ZPR1: variants seen among roughly 807,000 people sequenced by gnomAD.
ZPR1 encodes the protein ZPR1 zinc finger.
In ZPR1, 37 loss-of-function variants were observed where a neutral mutation model predicts 59.6. That is an observed-to-expected ratio of 0.62 (90% CI 0.48 to 0.82). ZPR1 has a LOEUF of 0.82. ZPR1 is among the 40% of genes least tolerant of loss of function. ZPR1 has a pLI of 0.00. For missense variants in ZPR1, 527 were observed against 579.9 expected (o/e 0.91, Z 0.94); for synonymous variants, 191 against 215.2 (o/e 0.89, Z 0.99).
At position 116,787,090 on chromosome 11, in the gene ZPR1, G is replaced by C. The variant is rs368420890; in HGVS notation, c.334-31C>G. On this transcript the variant is annotated intron_variant, in intron 2 of 13. Transcript: ENST00000227322. ...AAGAAAAGAATACGTTCAGTACAAA[G>C]AGACTGCAGAACAGCTTCTCCTCAA... 1.1e-5 allele frequency: 17 copies of C among 1,574,984 alleles called. No homozygotes were observed. In the African/African-American group the frequency reaches 1.3e-4, roughly 12 times the overall value.
intron 10 of ZPR1, among the ~76,000 whole-genome samples, 159 bp downstream of exon 10, chr11:116,783,371 A>G (rs961956011): frequency 6.6e-6 from 1 of 152,178 alleles, no homozygotes; most frequent in African/African-American, 2.4e-5. Flanking sequence ...TGCAATTCCA[A>G]TCTTAGATTA....
At position 116,788,010 on chromosome 11, in the gene ZPR1, G is replaced by A. The variant is rs1940925034; in HGVS notation, c.-20C>T. ...CGCCATGGCCACCACGCGCAATTCAGACCTCGGCTTCCTACTTCCGCCGCT... is the reference window on the plus strand; with the variant it reads ...CGCCATGGCCACCACGCGCAATTCAAACCTCGGCTTCCTACTTCCGCCGCT... On this transcript the variant is annotated 5_prime_UTR_variant, in exon 1 of 14. Transcript: ENST00000227322. The A allele has an allele frequency of 3.5e-6, 5 of 1,416,322 alleles. No homozygotes were observed. The highest frequency in any genetic ancestry group is 4.6e-6 in the Non-Finnish European group (5 of 1,094,202). 87.7% of individuals were successfully genotyped at this position (1,416,322 alleles called of 1,614,324 possible). A position where few individuals can be genotyped will look rare whatever the true frequency, so the allele number is the denominator to read the frequency against.
chr11:116,782,951 G>T lies in ZPR1; in HGVS notation c.1060C>A (p.Leu354Met). The T allele has an allele frequency of 6.2e-7, 1 of 1,614,192 alleles. No individual in the cohort carries two copies. Among genetic ancestry groups the T allele is most frequent in the Non-Finnish European group, 8.5e-7 (1 of 1,180,024 alleles). Residue 354 changes from leucine to methionine, a missense_variant, in exon 11 of 14, where the codon CTG (leucine) becomes ATG (methionine). Coordinates refer to ENST00000227322, the MANE Select transcript of ZPR1 (RefSeq NM_003904.5). ...MAVLGGKFTT[L>M]EGLLKDIREL... The stretch of plus-strand genomic sequence containing the variant: ...CGGATGTCTTTCAGCAGCCCTTCCA[G>T]TGTGGTGAACTTGCCCCCGAGGACT...
Position 116,785,976 on chromosome 11 carries a change from A to G in ZPR1, c.496-94T>C, listed in dbSNP as rs899808322. On this transcript the variant is annotated intron_variant, in intron 4 of 13. Coordinates refer to ENST00000227322, the MANE Select transcript of ZPR1 (RefSeq NM_003904.5). ...ATGTTACTTCCATTAGGAAGTCACC[A>G]CCTATCTCAGTGTGAGTGGAAACAG... 68 of 1,078,058 alleles carry G rather than the reference A, an allele frequency of 6.3e-5. No individual in the cohort carries two copies. In the African/African-American group the frequency reaches 9.1e-4, roughly 14 times the overall value. The allele number at this position is 1,078,058 out of a possible 1,614,324, so 66.8% of individuals were successfully genotyped here.
rs1940702833 is a variant in ZPR1, at chr11:116,774,986, C to G, written c.*3939G>C. The G allele has an allele frequency of 6.6e-6, 1 of 152,382 alleles. No individual in the cohort carries two copies. The highest frequency in any genetic ancestry group is 6.5e-5 in the Admixed American group (1 of 15,288). 9.4% of individuals were successfully genotyped at this position (152,382 alleles called of 1,614,324 possible). A position where few individuals can be genotyped will look rare whatever the true frequency, so the allele number is the denominator to read the frequency against. On this transcript the variant is annotated 3_prime_UTR_variant, in exon 14 of 14. Coordinates refer to ENST00000227322, the MANE Select transcript of ZPR1 (RefSeq NM_003904.5). ...CCTGACAAGGCCCAAGTGTCTCCACCCTGTGCTGCAGGGCAGTTAAGCAGG... is the reference window on the plus strand; with the variant it reads ...CCTGACAAGGCCCAAGTGTCTCCACGCTGTGCTGCAGGGCAGTTAAGCAGG...
intron 12 of ZPR1, among the ~76,000 whole-genome samples, chr11:116,780,072 GAAAT>G (rs1940784090): frequency 6.6e-6 from 1 of 150,646 alleles, no homozygotes; most frequent in Non-Finnish European, 1.5e-5. Flanking sequence ...AAAAAGAAAT[GAAAT>G]AAATGAAAGT....
Position 116,778,925 on chromosome 11 carries a change from C to T in ZPR1, c.1380G>A (p.Ter460=). ...AGGCTGGCCCTTGAGCCACCCACTG[C>T]TACCGTTGCGGAGCCAGGCCTGCCT... ...GYEAGLAPQR[*] is the part of the protein sequence containing the mutation. The change falls in exon 14 of 14, where the codon TAG becomes TAA. Residue 460 remains the stop codon, a stop_retained_variant. Coordinates refer to ENST00000227322, the MANE Select transcript of ZPR1 (RefSeq NM_003904.5). The T allele has an allele frequency of 2.5e-6, 4 of 1,613,608 alleles. No individual in the cohort carries two copies. Among genetic ancestry groups the T allele is most frequent in the Non-Finnish European group, 3.4e-6 (4 of 1,179,980 alleles).
Position 116,784,921 on chromosome 11 carries a change from C to T in ZPR1, c.754G>A (p.Val252Met). 6.2e-7 allele frequency: 1 copy of T among 1,614,148 alleles called. No individual in the cohort carries two copies. Among genetic ancestry groups the T allele is most frequent in the African/African-American group, 1.3e-5 (1 of 75,004 alleles). ...GGGCAGTTTGTGCTGAACTGGAGCA[C>T]CTGGAACACAACATGAGGACAAAGG... The part of the protein sequence containing the change: ...KPEEEDLRNE[V>M]LQFSTNCPEC... The change falls in exon 8 of 14, where the codon GTG becomes ATG. Residue 252 changes from valine to methionine, a missense_variant and splice_region_variant. Val to Met is a conservative substitution (Grantham distance 21). Coordinates refer to ENST00000227322, the MANE Select transcript of ZPR1 (RefSeq NM_003904.5).
chr11:116,783,016 C>T lies in ZPR1; in HGVS notation c.995G>A (p.Ser332Asn). The T allele has an allele frequency of 6.2e-7, 1 of 1,614,004 alleles. No individual in the cohort carries two copies. The highest frequency in any genetic ancestry group is 1.7e-5 in the Admixed American group (1 of 60,018). The change falls in exon 11 of 14, where the codon AGT becomes AAT. Residue 332 changes from serine (S) to asparagine (N), a missense_variant. By Grantham distance (46) the Ser-to-Asn change is conservative. Coordinates refer to ENST00000227322, the MANE Select transcript of ZPR1 (RefSeq NM_003904.5). The stretch of plus-strand genomic sequence containing the variant: ...AAATTCTAGCTCTGGGATTTCCACA[C>T]TGCAAGTCTCAGACTGTGAAATGAG... ...TRDLLKSETC[S>N]VEIPELEFEL...
chr11:116,782,288 ATTTG>A (rs1940819619), intron 11 of ZPR1, 44 bp from the exon 12 acceptor site: 1 of 1,561,134 alleles, frequency 6.4e-7, no homozygotes, highest in Admixed American at 1.7e-5. Flanking sequence ...CTGGCTTTAT[ATTTG>A]TTAGGCCTGA....
At chr11:116,787,743 C>T in intron 1 of ZPR1, 77 bp downstream of exon 1, 2 of 1,522,052 alleles carry the variant, frequency 1.3e-6, no homozygotes, top group East Asian at 2.4e-5. Flanking sequence ...CCGGGCCCAC[C>T]TGGCTGGGTC....
rs575477173 is a variant in ZPR1 at position 116,785,665 on chromosome 11, G to A, written c.583-29C>T. 1.0e-4 allele frequency: 169 copies of A among 1,613,732 alleles called. 2 individuals carry two copies. In the South Asian group the frequency reaches 1.7e-3, roughly 16 times the overall value. The stretch of plus-strand genomic sequence containing the variant: ...ACAAATGGGAGAAGAGAGAGTCACT[G>A]CAAAAGAAAATCATAAACAATCCTA... On this transcript the variant is annotated intron_variant, in intron 5 of 13. Coordinates refer to ENST00000227322, the MANE Select transcript of ZPR1 (RefSeq NM_003904.5).
intron 4 of ZPR1, 74 bp from the exon 5 acceptor site, chr11:116,785,956 A>C: frequency 7.5e-7 from 1 of 1,338,712 alleles, no homozygotes; most frequent in East Asian, 2.3e-5. Context: ...TGCCCATGTT[A>C]CTTCCATTAG....
chr11:116,784,750 T>C (rs1278830107), intron 8 of ZPR1, 105 bp downstream of exon 8: 1 of 1,169,724 alleles, frequency 8.5e-7, no homozygotes, highest in African/African-American at 1.5e-5. Flanking sequence ...TCCTTATCAC[T>C]GGGTATAAAG....
At chr11:116,782,097 G>GCAGC in intron 12 of ZPR1, 61 bp downstream of exon 12, 1 of 1,283,346 alleles carries the variant, frequency 7.8e-7, no homozygotes, top group South Asian at 1.2e-5. Flanking sequence ...ACATGAGCAT[G>GCAGC]CAGCCTCCTG....
At chr11:116,780,059 TAAAA>T (rs1351694719) in intron 12 of ZPR1, among the ~76,000 whole-genome samples, 1 of 149,414 alleles carries the variant, frequency 6.7e-6, no homozygotes, top group African/African-American at 2.5e-5. Context: ...TATATATAAA[TAAAA>T]AAAGAAATGA....
In ZPR1 at chr11:116,786,994, T is replaced by G. The variant is rs750708295; in HGVS notation, c.399A>C (p.Glu133Asp). 6.2e-7 allele frequency: 1 copy of G among 1,614,152 alleles called. No homozygotes were observed. The highest frequency in any genetic ancestry group is 8.5e-7 in the Non-Finnish European group (1 of 1,179,998). Residue 133 changes from glutamate (E) to aspartate (D), a missense_variant, in exon 3 of 14, where the codon GAA (glutamate) becomes GAC (aspartate). Transcript: ENST00000227322. ...AATRIPELDFEIPAFSQKGAL... is the reference protein window; with the variant it reads ...AATRIPELDFDIPAFSQKGAL... ...CTCCTTTCTGGCTAAAGGCAGGAATTTCAAAATCTAGCTCAGGAATCCTTG... is the reference window on the plus strand; with the variant it reads ...CTCCTTTCTGGCTAAAGGCAGGAATGTCAAAATCTAGCTCAGGAATCCTTG...
chr11:116,787,564 C>T lies in ZPR1; in HGVS notation c.251G>A (p.Gly84Asp). The change falls in exon 2 of 14, where the codon GGC becomes GAC. Residue 84 changes from glycine to aspartate, a missense_variant. Transcript: ENST00000227322. ...IVSSFSCEHCGWNNTEIQSAG... is the reference protein window; with the variant it reads ...IVSSFSCEHCDWNNTEIQSAG... Reference sequence around the variant, plus strand: ...CGACTGGATCTCCGTGTTGTTCCAGCCACAGTGCTCGCAGGAAAAGGAGCT... The same window carrying T: ...CGACTGGATCTCCGTGTTGTTCCAGTCACAGTGCTCGCAGGAAAAGGAGCT... The T allele has an allele frequency of 6.2e-7, 1 of 1,614,216 alleles. No homozygotes were observed. Among genetic ancestry groups the T allele is most frequent in the Non-Finnish European group, 8.5e-7 (1 of 1,180,032 alleles).
chr11:116,784,302 G>T, intron 9 of ZPR1, 76 bp downstream of exon 9: 1 of 1,502,950 alleles, frequency 6.7e-7, no homozygotes, highest in Non-Finnish European at 9.3e-7. Context: ...GAGTACTGAA[G>T]TACTTAGGAA....
Sources: gnomAD v4.1 joint callset for allele counts (sites outside exome capture counted in the v4.1 genomes callset) on GRCh38, gnomAD v4.1.1 for gene constraint, MANE v1.5 for transcripts, NCBI Gene and HGNC (gene_info 2026-07-23, HGNC 2026-07-21) for gene names.